Variants in CLASRP observed in about 807,000 individuals in gnomAD.
CLASRP encodes the protein CLK4-associating serine/arginine rich protein.
A neutral mutation model predicts 99.9 loss-of-function variants in CLASRP; 52 were observed. The ratio of observed to expected loss-of-function variants is 0.52; its 90% CI spans 0.42 to 0.66. The LOEUF (loss-of-function observed/expected upper bound fraction) is 0.66. Ranked by LOEUF, CLASRP falls within the 30% of genes least tolerant of loss-of-function variation. The probability of loss-of-function intolerance (pLI) is 0.00; values close to 1 mark genes in which losing one functional copy is unlikely to be tolerated. For missense variants in CLASRP, 848 were observed against 999.2 expected, an observed-to-expected ratio of 0.85 and a Z score of 2.04; for synonymous variants, 379 against 373.0, an observed-to-expected ratio of 1.02 and a Z score of -0.18.
chr19:45,068,096 C>G lies in CLASRP; in HGVS notation c.1707+42C>G, dbSNP rs767302277. The G allele has an allele frequency of 1.9e-6, 3 of 1,597,036 alleles. No individual in the cohort carries two copies. In the African/African-American group the frequency reaches 4.0e-5, roughly 21 times the overall value. On this transcript the variant is annotated intron_variant, in intron 15 of 20. Coordinates refer to ENST00000221455, the MANE Select transcript of CLASRP (RefSeq NM_007056.3). ...AACTCGCCCGTCTAATTCCCGTCAG[C>G]AGCAGTGCCCAAGAGCTGGGCCCGG...
At chr19:45,061,741 T>A (rs1966943886) in intron 10 of CLASRP, among the ~76,000 whole-genome samples, 1 of 152,120 alleles carries the variant, frequency 6.6e-6, no homozygotes, top group South Asian at 2.1e-4. Context: ...CCCAGAGTGC[T>A]GGGATTACAG....
At chr19:45,045,070 G>C (rs1971890020) in intron 2 of CLASRP, among the ~76,000 whole-genome samples, 1 of 152,192 alleles carries the variant, frequency 6.6e-6, no homozygotes, top group African/African-American at 2.4e-5. Context: ...TTAGCTCGGG[G>C]ACCTAAGCCG....
intron 2 of CLASRP, among the ~76,000 whole-genome samples, chr19:45,049,351 C>T (rs1971979855): frequency 6.6e-6 from 1 of 152,158 alleles, no homozygotes; most frequent in Non-Finnish European, 1.5e-5. Context: ...GTGGCCCCAG[C>T]TGAGGAATCA....
At chr19:45,046,057 A>C (rs1180014649) in intron 2 of CLASRP, among the ~76,000 whole-genome samples, 1 of 152,154 alleles carries the variant, frequency 6.6e-6, no homozygotes, top group African/African-American at 2.4e-5. Flanking sequence ...GGCCTGTACA[A>C]GCGGCCTTTG....
Position 45,039,110 on chromosome 19 carries a change from T to A in CLASRP, c.-30+2T>A. 1 of 152,028 alleles carries A rather than the reference T, an allele frequency of 6.6e-6. No individual in the cohort carries two copies. Among genetic ancestry groups the A allele is most frequent in the East Asian group, 1.9e-4 (1 of 5,184 alleles). 9.4% of individuals were successfully genotyped at this position (152,028 alleles called of 1,614,324 possible). On this transcript the variant is annotated splice_donor_variant, in intron 1 of 20. Coordinates refer to ENST00000221455, the MANE Select transcript of CLASRP (RefSeq NM_007056.3). LOFTEE classifies it low-confidence loss of function (5UTR_SPLICE). ...GCGGTGGGAGGCGGCGACCAGCCGG[T>A]GAGTGCAGGCTGCGGCTCGACCTCC...
chr19:45,042,092 C>T (rs1450542687), intron 2 of CLASRP, among the ~76,000 whole-genome samples: 1 of 152,156 alleles, frequency 6.6e-6, no homozygotes, highest in Middle Eastern at 3.2e-3. Flanking sequence ...CCTGTAATCC[C>T]AGCATTTTGG....
At chr19:45,046,879 T>C (rs991836186) in intron 2 of CLASRP, among the ~76,000 whole-genome samples, 6 of 152,032 alleles carry the variant, frequency 3.9e-5, no homozygotes, top group Admixed American at 2.6e-4. Flanking sequence ...AATACAAAAT[T>C]AGCTGGGCGT....
At chr19:45,068,309 T>G in intron 15 of CLASRP, 111 bp from the exon 16 acceptor site, 1 of 651,132 alleles carries the variant, frequency 1.5e-6, no homozygotes, top group Non-Finnish European at 2.8e-6. Flanking sequence ...CCCACGTCGT[T>G]CTCCCCCCCC....
chr19:45,050,329 G>A (rs1002597636), intron 2 of CLASRP, among the ~76,000 whole-genome samples: 17 of 152,246 alleles, frequency 1.1e-4, no homozygotes, highest in African/African-American at 4.1e-4. Flanking sequence ...GGAAATGCCA[G>A]TCAGAACCAC....
chr19:45,064,848 A>C (rs916469661), intron 13 of CLASRP, among the ~76,000 whole-genome samples: 2 of 152,116 alleles, frequency 1.3e-5, no homozygotes, highest in African/African-American at 4.8e-5. Context: ...GTGGAGGTGG[A>C]TCCCAGCCGC....
intron 3 of CLASRP, 62 bp from the exon 4 acceptor site, chr19:45,052,729 C>T (rs979296882): frequency 8.2e-5 from 103 of 1,249,408 alleles, no homozygotes; most frequent in Non-Finnish European, 1.1e-4. Context: ...GGAGCAGGTG[C>T]TTTGTGTCCT....
chr19:45,064,021 G>A lies in CLASRP; in HGVS notation c.915G>A (p.Ser305=), dbSNP rs771268178. The A allele has an allele frequency of 6.2e-7, 1 of 1,610,926 alleles. No individual in the cohort carries two copies. The highest frequency in any genetic ancestry group is 8.5e-7 in the Non-Finnish European group (1 of 1,179,060). Residue 305 remains serine, a synonymous_variant, in exon 12 of 21, where the codon TCG becomes TCA. Coordinates refer to ENST00000221455, the MANE Select transcript of CLASRP (RefSeq NM_007056.3). The part of the protein sequence containing the change: ...PTYDPYKRSP[S]ESSSESRSRS... Reference sequence around the variant, plus strand: ...TCCTCCCTACCCGCAGGTCACCCTCGGAGTCCAGCTCAGAGTCCCGCTCCC... The same window carrying A: ...TCCTCCCTACCCGCAGGTCACCCTCAGAGTCCAGCTCAGAGTCCCGCTCCC...
rs1393926474 is a variant in CLASRP, at chr19:45,070,834, TAC to T, written c.2015_2016del (p.Tyr672SerfsTer22). ...AAGGTCCCGATCCCGAAGCCCCCAT[TAC>T]CGACATTAGGCAGAAGAGTGGGGGG... ...RSRSRSRSPH[Y>X]RH On this transcript the variant is annotated frameshift_variant, in exon 21 of 21. Transcript: ENST00000221455. LOFTEE classifies it high-confidence loss of function. The T allele has an allele frequency of 2.0e-6, 3 of 1,526,558 alleles. No homozygotes were observed. The highest frequency in any genetic ancestry group is 2.7e-6 in the Non-Finnish European group (3 of 1,119,562). The allele number at this position is 1,526,558 out of a possible 1,614,324, so 94.6% of individuals were successfully genotyped here.
chr19:45,070,709 C>CA (rs1967221855), intron 20 of CLASRP, 94 bp from the exon 21 acceptor site: 1 of 1,321,288 alleles, frequency 7.6e-7, no homozygotes, highest in Non-Finnish European at 1.1e-6. Context: ...CTTCCCTCCA[C>CA]AGACAAGTGC....
intron 13 of CLASRP, 25 bp downstream of exon 13, chr19:45,064,655 G>T: frequency 6.5e-7 from 1 of 1,527,208 alleles, no homozygotes; most frequent in Non-Finnish European, 8.8e-7. Context: ...GCGTGGAGGT[G>T]GGAGGGGCTG....
intron 5 of CLASRP, among the ~76,000 whole-genome samples, chr19:45,055,013 T>C (rs1054964046): frequency 1.3e-5 from 2 of 152,234 alleles, no homozygotes; most frequent in African/African-American, 2.4e-5. Context: ...TAATTGATAC[T>C]GTTTTTGCCA....
chr19:45,052,148 C>T lies in CLASRP; in HGVS notation c.177C>T (p.Ala59=), dbSNP rs749606966. ...ACCTGGATTCTGCAGTCGCCCTGGC[C>T]GCTGAGAGCCCTGTTAATATGTAAG... ...KVHLDSAVAL[A]AESPVNMMPW... is the part of the protein sequence containing the mutation. The change falls in exon 3 of 21, where the codon GCC becomes GCT. Residue 59 remains alanine (A), a synonymous_variant. Coordinates refer to ENST00000221455, the MANE Select transcript of CLASRP (RefSeq NM_007056.3). 1.1e-5 allele frequency: 18 copies of T among 1,613,782 alleles called. No homozygotes were observed. The highest frequency in any genetic ancestry group is 9.9e-5 in the South Asian group (9 of 91,084).
intron 13 of CLASRP, among the ~76,000 whole-genome samples, chr19:45,066,553 G>T (rs1292873035): frequency 6.7e-6 from 1 of 148,884 alleles, no homozygotes; most frequent in Non-Finnish European, 1.5e-5. Flanking sequence ...AACCCAGGAG[G>T]CAGAGGTTGC....
Position 45,068,587 on chromosome 19 carries a change from G to T in CLASRP, c.1768+107G>T, listed in dbSNP as rs563392570. The T allele has an allele frequency of 6.0e-6, 5 of 837,790 alleles. No individual in the cohort carries two copies. In the East Asian group the frequency reaches 9.8e-5, roughly 16 times the overall value. 51.9% of individuals were successfully genotyped at this position (837,790 alleles called of 1,614,324 possible). On this transcript the variant is annotated intron_variant, in intron 16 of 20. Transcript: ENST00000221455. ...GGGAGGCCTGGCCCTTCCCTAGAGA[G>T]GCCACGCAGGCACGGAGGTGCTCTG...
Sources: gnomAD v4.1 joint callset for allele counts (sites outside exome capture counted in the v4.1 genomes callset) on GRCh38, gnomAD v4.1.1 for gene constraint, MANE v1.5 for transcripts, NCBI Gene and HGNC (gene_info 2026-07-23, HGNC 2026-07-21) for gene names.